Variants in SMARCA2 observed in about 807,000 individuals in gnomAD.
The protein encoded by SMARCA2 is SWI/SNF related BAF chromatin remodeling complex subunit ATPase 2, also known as SWI/SNF-related matrix-associated actin-dependent regulator of chromatin subfamily A member 2.
In SMARCA2, 61 loss-of-function variants were observed where a neutral mutation model predicts 199.8. The observed-to-expected ratio is 0.31, with a 90% CI of 0.25 to 0.38. The LOEUF (loss-of-function observed/expected upper bound fraction) is 0.38. Among genes scored for constraint, SMARCA2 ranks in the 10% least tolerant of loss-of-function variants. The pLI, the probability that SMARCA2 is intolerant of heterozygous loss-of-function variation, is 1.00. For synonymous variants in SMARCA2, 935 were observed against 732.0 expected (o/e 1.28, Z -4.48); for missense variants, 1,344 against 2,012.2 (o/e 0.67, Z 6.35).
chr9:2,191,259 G>A lies in SMARCA2; in HGVS notation c.4595-7G>A. The A allele has an allele frequency of 1.9e-6, 3 of 1,613,706 alleles. No homozygotes were observed. The highest frequency in any genetic ancestry group is 1.1e-5 in the South Asian group (1 of 91,060). On this transcript the variant is annotated splice_polypyrimidine_tract_variant and splice_region_variant and intron_variant, in intron 32 of 33. Coordinates refer to ENST00000349721, the MANE Select transcript of SMARCA2 (RefSeq NM_003070.5). ...ACTGGTGTCTATTTCATTTGCTTTG[G>A]TTTTAGCAAAATCAGTCAAGGTGAA...
At chr9:2,180,571 C>T (rs1760700767) in intron 29 of SMARCA2, among the ~76,000 whole-genome samples, 1 of 152,160 alleles carries the variant, frequency 6.6e-6, no homozygotes, top group African/African-American at 2.4e-5. Flanking sequence ...TCTGGCTTCA[C>T]AAAGGAAGTA....
At chr9:2,073,451 T>C in intron 11 of SMARCA2, 109 bp downstream of exon 11, 1 of 1,502,482 alleles carries the variant, frequency 6.7e-7, no homozygotes, top group East Asian at 2.3e-5. Context: ...ATGGTTGAAG[T>C]TGTTACTTGG....
At chr9:2,064,754 A>G (rs992425258) in intron 9 of SMARCA2, among the ~76,000 whole-genome samples, 5 of 152,128 alleles carry the variant, frequency 3.3e-5, no homozygotes, top group Admixed American at 6.5e-5. Context: ...TACAAAGAGA[A>G]TTTTCTAATT....
At chr9:2,015,967 G>A (rs1297896845) in intron 1 of SMARCA2, 1 of 152,570 alleles carries the variant, frequency 6.6e-6, no homozygotes, top group African/African-American at 2.4e-5. Context: ...AGTTGGAAGG[G>A]GAACGGGAAA....
At chr9:2,117,614 T>C (rs1399559530) in intron 25 of SMARCA2, among the ~76,000 whole-genome samples, 1 of 152,234 alleles carries the variant, frequency 6.6e-6, no homozygotes, top group African/African-American at 2.4e-5. Flanking sequence ...TTATTTGTTT[T>C]GTGTAGGCCT....
At chr9:2,027,966 T>G (rs1315761827) in intron 1 of SMARCA2, among the ~76,000 whole-genome samples, 2 of 152,250 alleles carry the variant, frequency 1.3e-5, no homozygotes, top group Non-Finnish European at 2.9e-5. Context: ...ATTTGCTCAT[T>G]CTGGCTCATA....
chr9:2,044,215 T>G (rs1334611729), intron 4 of SMARCA2: 1 of 152,218 alleles, frequency 6.6e-6, no homozygotes, highest in East Asian at 1.9e-4. Context: ...AAGTAGTCAT[T>G]TTTATACAAT....
intron 1 of SMARCA2, among the ~76,000 whole-genome samples, chr9:2,024,762 GGATAAAA>G (rs1215586779): frequency 6.6e-6 from 1 of 152,146 alleles, no homozygotes; most frequent in African/African-American, 2.4e-5. Context: ...GGGAGTCAAG[GGATAAAA>G]GATTCTGCCT....
At chr9:2,038,932 T>C (rs907504331) in intron 3 of SMARCA2, among the ~76,000 whole-genome samples, 2 of 152,200 alleles carry the variant, frequency 1.3e-5, no homozygotes, top group African/African-American at 2.4e-5. Flanking sequence ...TTATTCCCCA[T>C]TGAGATATAT....
intron 19 of SMARCA2, among the ~76,000 whole-genome samples, chr9:2,090,549 G>C (rs933337494): frequency 6.6e-5 from 10 of 152,180 alleles, no homozygotes; most frequent in Admixed American, 5.9e-4. Flanking sequence ...CTGTCTTATG[G>C]AGTTGTGAGG....
rs1471318363 is a variant in SMARCA2 at position 2,119,359 on chromosome 9, G to A, written c.3685-99G>A. 4.0e-6 allele frequency: 3 copies of A among 748,726 alleles called. No homozygotes were observed. The East Asian group carries it at 7.7e-5, about 19-fold the overall frequency. The allele number at this position is 748,726 out of a possible 1,614,324, so 46.4% of individuals were successfully genotyped here. ...ACCCCTTCCCTTTTCTTTCTGCCTT[G>A]AGAAATGGGACCCCTCTGGTCTGGA... On this transcript the variant is annotated intron_variant, in intron 25 of 33. Coordinates refer to ENST00000349721, the MANE Select transcript of SMARCA2 (RefSeq NM_003070.5). This position sits in a 1 kb window ranked among gnomAD's most constrained non-coding sequence, Gnocchi z 4.6.
chr9:2,166,784 G>A (rs1233153097), intron 28 of SMARCA2, among the ~76,000 whole-genome samples: 1 of 152,160 alleles, frequency 6.6e-6, no homozygotes, highest in African/African-American at 2.4e-5. Flanking sequence ...CTACCCATCA[G>A]TGAACTCATA....
intron 21 of SMARCA2, among the ~76,000 whole-genome samples, 189 bp from the exon 22 acceptor site, chr9:2,101,381 T>C (rs184302735): frequency 7.2e-5 from 11 of 152,272 alleles, no homozygotes; most frequent in African/African-American, 2.6e-4. Flanking sequence ...AGGATACTTT[T>C]CTGATGGAAC....
chr9:2,175,390 G>A (rs1826513544), intron 29 of SMARCA2, among the ~76,000 whole-genome samples: 1 of 146,590 alleles, frequency 6.8e-6, no homozygotes, highest in South Asian at 2.1e-4. Context: ...AGTAATAAAT[G>A]CAATGGGAGA....
In SMARCA2 at chr9:2,119,973, T is replaced by C. The variant is rs934205043; in HGVS notation, c.3762+438T>C. 2.6e-5 allele frequency among the ~76,000 whole-genome samples: 4 copies of C among 152,216 alleles called. No individual in the cohort carries two copies. Among genetic ancestry groups the C allele is most frequent in the African/African-American group, 9.7e-5 (4 of 41,438 alleles). On this transcript the variant is annotated intron_variant, in intron 26 of 33. Coordinates refer to ENST00000349721, the MANE Select transcript of SMARCA2 (RefSeq NM_003070.5). The surrounding 1 kb of genome is among the most constrained non-coding windows in gnomAD (Gnocchi z 4.6). ...AAGCCTACCTGGCTCCTATAGGCAT[T>C]GGAACTTACAACAGTGCCCTTACAG...
chr9:2,051,660 A>ATATTCC (rs1820123958), intron 5 of SMARCA2, among the ~76,000 whole-genome samples: 1 of 152,222 alleles, frequency 6.6e-6, no homozygotes, highest in Non-Finnish European at 1.5e-5. Flanking sequence ...ATACCAAGGG[A>ATATTCC]TAGTTTGAGT....
Position 2,086,981 on chromosome 9 carries a change from C to T in SMARCA2, c.2679C>T (p.Ala893=). ...PLQNKLPELW[A]LLNFLLPTIF... ...AGAATAAGCTCCCTGAACTCTGGGC[C>T]CTCCTCAACTTCCTCCTCCCAACAA... Residue 893 remains alanine (A), a synonymous_variant, in exon 18 of 34, where the codon GCC becomes GCT. Coordinates refer to ENST00000349721, the MANE Select transcript of SMARCA2 (RefSeq NM_003070.5). This position sits in a 1 kb window ranked among gnomAD's most constrained non-coding sequence, Gnocchi z 4.3. 1 of 1,614,146 alleles carries T rather than the reference C, an allele frequency of 6.2e-7. No homozygotes were observed. The highest frequency in any genetic ancestry group is 8.5e-7 in the Non-Finnish European group (1 of 1,179,992).
At chr9:2,155,085 T>A (rs12551216) in intron 27 of SMARCA2, among the ~76,000 whole-genome samples, 13,340 of 152,154 alleles carry the variant, frequency 0.088, 1,526 homozygotes, top group African/African-American at 0.27. Flanking sequence ...GTGCCTAACT[T>A]GTAAGAACAA....
intron 1 of SMARCA2, among the ~76,000 whole-genome samples, chr9:2,018,772 C>T (rs1818473076): frequency 6.6e-6 from 1 of 152,176 alleles, no homozygotes; most frequent in African/African-American, 2.4e-5. Context: ...AAGCCATACC[C>T]AATGTTATGT....
Sources: gnomAD v4.1 joint callset for allele counts (sites outside exome capture counted in the v4.1 genomes callset) on GRCh38, gnomAD v4.1.1 for gene constraint, Gnocchi (gnomAD v3.1) non-coding constraint, MANE v1.5 for transcripts, NCBI Gene and HGNC (gene_info 2026-07-23, HGNC 2026-07-21) for gene names.